Variants in TMEM94 observed in about 807,000 individuals in gnomAD.
TMEM94 encodes ER Mg2+ ATPase.
Under a neutral mutation model 158.6 loss-of-function variants are expected in TMEM94, and 81 were observed. The observed-to-expected ratio is 0.51, with a 90% CI of 0.43 to 0.61. The LOEUF is 0.61. Ranked by LOEUF, TMEM94 falls within the 20% of genes least tolerant of loss-of-function variation. TMEM94 has a pLI of 0.00. For missense variants in TMEM94, 1,435 were observed against 1,762.0 expected (o/e 0.81, Z 3.32); for synonymous variants, 751 against 730.7 (o/e 1.03, Z -0.45).
At chr17:75,493,938 C>A (rs373675652) in intron 18 of TMEM94, 22 bp downstream of exon 18, 7 of 1,595,692 alleles carry the variant, frequency 4.4e-6, no homozygotes, top group Non-Finnish European at 6.0e-6. Context: ...GTCTGTCCAG[C>A]GGGGCTGGTG....
rs1286603803 is a variant in TMEM94 at position 75,489,946 on chromosome 17, G to A, written c.954+284G>A. 1.8e-6 allele frequency: 1 copy of A among 561,360 alleles called. No individual in the cohort carries two copies. The highest frequency in any genetic ancestry group is 3.2e-6 in the Non-Finnish European group (1 of 313,572). 34.8% of individuals were successfully genotyped at this position (561,360 alleles called of 1,614,324 possible). The stretch of plus-strand genomic sequence containing the variant: ...ATATAAAAATTAGCTGGGCGTGGTG[G>A]CACGTGCCTGTGGTCCCAGCCATTC... On this transcript the variant is annotated intron_variant, in intron 9 of 31. Coordinates refer to ENST00000314256, the MANE Select transcript of TMEM94 (RefSeq NM_014738.6). This position sits in a 1 kb window ranked among gnomAD's most constrained non-coding sequence, Gnocchi z 5.0.
rs755543683 is a variant in TMEM94 at position 75,495,246 on chromosome 17, C to T, written c.2729-38C>T. The T allele has an allele frequency of 2.6e-6, 4 of 1,520,970 alleles. No homozygotes were observed. The highest frequency in any genetic ancestry group is 3.6e-6 in the Non-Finnish European group (4 of 1,113,280). 94.2% of individuals were successfully genotyped at this position (1,520,970 alleles called of 1,614,324 possible). ...AGGGCAAGGACAGGTTCCCAGAAGG[C>T]TGGTCCCAAGGTGAGGGAGAGGCTT... On this transcript the variant is annotated intron_variant, in intron 20 of 31. Coordinates refer to ENST00000314256, the MANE Select transcript of TMEM94 (RefSeq NM_014738.6). The surrounding 1 kb of genome is among the most constrained non-coding windows in gnomAD (Gnocchi z 5.6).
intron 1 of TMEM94, among the ~76,000 whole-genome samples, chr17:75,465,755 A>T (rs1447064889): frequency 6.8e-6 from 1 of 146,388 alleles, no homozygotes; most frequent in African/African-American, 2.6e-5. Flanking sequence ...CTCAGGCTAG[A>T]CTCAAACTCT....
chr17:75,499,403 G>A lies in TMEM94; in HGVS notation c.*69G>A, dbSNP rs1159242405. On this transcript the variant is annotated 3_prime_UTR_variant, in exon 32 of 32. Coordinates refer to ENST00000314256, the MANE Select transcript of TMEM94 (RefSeq NM_014738.6). ...AAAGCCAGACCCATTTCTGAACAGG[G>A]GAGTTTGTATCATGAATGTTTCCAG... is the stretch of plus-strand genomic sequence containing the variant. The A allele has an allele frequency of 6.9e-7, 1 of 1,445,140 alleles. No homozygotes were observed. Among genetic ancestry groups the A allele is most frequent in the African/African-American group, 1.4e-5 (1 of 71,214 alleles). The allele number at this position is 1,445,140 out of a possible 1,614,324, so 89.5% of individuals were successfully genotyped here.
chr17:75,459,507 G>A (rs2049997575), intron 1 of TMEM94, among the ~76,000 whole-genome samples: 1 of 152,202 alleles, frequency 6.6e-6, no homozygotes, highest in African/African-American at 2.4e-5. Flanking sequence ...CTTAACTCCT[G>A]TAGAAACTAA....
intron 11 of TMEM94, 51 bp from the exon 12 acceptor site, chr17:75,490,998 G>T: frequency 1.4e-6 from 2 of 1,434,970 alleles, no homozygotes; most frequent in South Asian, 2.5e-5. Flanking sequence ...CGTCTCCAGG[G>T]AAATGAGGCT....
rs1000015361 is a variant in TMEM94, at chr17:75,499,498, T to C, written c.*164T>C. The stretch of plus-strand genomic sequence containing the variant: ...CAGACCCCGCTGTCTTCCTGAGCCC[T>C]GGGGCTCACTGTGGAGGAGCTGACG... On this transcript the variant is annotated 3_prime_UTR_variant, in exon 32 of 32. Coordinates refer to ENST00000314256, the MANE Select transcript of TMEM94 (RefSeq NM_014738.6). 9.0e-6 allele frequency: 6 copies of C among 664,442 alleles called. No individual in the cohort carries two copies. The highest frequency in any genetic ancestry group is 1.5e-5 in the Non-Finnish European group (6 of 387,488). The allele number at this position is 664,442 out of a possible 1,614,324, so 41.2% of individuals were successfully genotyped here. A position where few individuals can be genotyped will look rare whatever the true frequency, so the allele number is the denominator to read the frequency against.
rs2049901405 is a variant in TMEM94 at position 75,456,674 on chromosome 17, C to T, written c.-184C>T. ...CAGTAACGGACATGGCTGCGGCCCCCGGAGGAGGGGACGTGAAGTGAGGAG... is the reference window on the plus strand; with the variant it reads ...CAGTAACGGACATGGCTGCGGCCCCTGGAGGAGGGGACGTGAAGTGAGGAG... On this transcript the variant is annotated 5_prime_UTR_variant, in exon 1 of 32. Transcript: ENST00000314256. 3 of 152,272 alleles carry T rather than the reference C, an allele frequency of 2.0e-5. No individual in the cohort carries two copies. The highest frequency in any genetic ancestry group is 4.1e-4 in the South Asian group (2 of 4,826). The allele number at this position is 152,272 out of a possible 1,614,324, so 9.4% of individuals were successfully genotyped here. A position where few individuals can be genotyped will look rare whatever the true frequency, so the allele number is the denominator to read the frequency against.
chr17:75,482,159 A>G (rs951920427), intron 2 of TMEM94, among the ~76,000 whole-genome samples: 25 of 152,172 alleles, frequency 1.6e-4, no homozygotes, highest in African/African-American at 4.6e-4. Flanking sequence ...CCTGGGCAAC[A>G]TGGTGAAACT....
At chr17:75,457,232 C>G (rs1483647004) in intron 1 of TMEM94, 1 of 152,312 alleles carries the variant, frequency 6.6e-6, no homozygotes, top group Non-Finnish European at 1.5e-5. Context: ...CCGAGGGGCT[C>G]CTGGCAGCCA....
Position 75,489,983 on chromosome 17 carries a change from G to A in TMEM94, c.955-251G>A, listed in dbSNP as rs1390233265. 5 of 575,306 alleles carry A rather than the reference G, an allele frequency of 8.7e-6. No individual in the cohort carries two copies. In the African/African-American group the frequency reaches 9.4e-5, roughly 11 times the overall value. 35.6% of individuals were successfully genotyped at this position (575,306 alleles called of 1,614,324 possible). ...GGTCCCAGCCATTCAGGTGGCTGAG[G>A]TGGGAGAATCCCTTGAACCTGGGAG... On this transcript the variant is annotated intron_variant, in intron 9 of 31. Coordinates refer to ENST00000314256, the MANE Select transcript of TMEM94 (RefSeq NM_014738.6). The surrounding 1 kb of genome is among the most constrained non-coding windows in gnomAD (Gnocchi z 5.0).
intron 1 of TMEM94, chr17:75,459,745 A>T (rs2050004341): frequency 6.6e-6 from 1 of 152,170 alleles, no homozygotes. Context: ...TTCAAGTGAG[A>T]AGGTTCTGGG....
intron 1 of TMEM94, among the ~76,000 whole-genome samples, chr17:75,466,417 C>T (rs1479459130): frequency 6.6e-6 from 1 of 152,264 alleles, no homozygotes; most frequent in African/African-American, 2.4e-5. Flanking sequence ...ATTTGTTTCT[C>T]TTTTCAAAAT....
chr17:75,493,576 T>A lies in TMEM94; in HGVS notation c.2172T>A (p.Pro724=). 1 of 1,613,868 alleles carries A rather than the reference T, an allele frequency of 6.2e-7. No homozygotes were observed. Among genetic ancestry groups the A allele is most frequent in the Non-Finnish European group, 8.5e-7 (1 of 1,179,980 alleles). Residue 724 remains proline, a synonymous_variant, in exon 17 of 32, where the codon CCT becomes CCA. Coordinates refer to ENST00000314256, the MANE Select transcript of TMEM94 (RefSeq NM_014738.6). ...TDFWDGADIY[P]LSGSDRKKVL... ...TCTGGGACGGAGCTGACATCTACCC[T>A]CTCTCGGGATCTGACAGGTGGGTGA...
rs8065732 is a variant in TMEM94 at position 75,489,941 on chromosome 17, T to C, written c.954+279T>C. On this transcript the variant is annotated intron_variant, in intron 9 of 31. Coordinates refer to ENST00000314256, the MANE Select transcript of TMEM94 (RefSeq NM_014738.6). The surrounding 1 kb of genome is among the most constrained non-coding windows in gnomAD (Gnocchi z 5.0). ...TAAGAATATAAAAATTAGCTGGGCGTGGTGGCACGTGCCTGTGGTCCCAGC... is the reference window on the plus strand; with the variant it reads ...TAAGAATATAAAAATTAGCTGGGCGCGGTGGCACGTGCCTGTGGTCCCAGC... 0.63 allele frequency: 352,818 copies of C among 559,012 alleles called. 118,685 individuals are homozygous for C. The highest frequency in any genetic ancestry group is 0.71 in the Non-Finnish European group (220,899 of 311,890). The allele number at this position is 559,012 out of a possible 1,614,324, so 34.6% of individuals were successfully genotyped here. A position where few individuals can be genotyped will look rare whatever the true frequency, so the allele number is the denominator to read the frequency against.
rs765096913 is a variant in TMEM94 at position 75,487,899 on chromosome 17, A to T, written c.410-33A>T. The stretch of plus-strand genomic sequence containing the variant: ...TGACTGGGGGGCAGGGCCGTGGCTG[A>T]GAGGGTTGTTTCCCTCTTTCCATTC... On this transcript the variant is annotated intron_variant, in intron 5 of 31. Coordinates refer to ENST00000314256, the MANE Select transcript of TMEM94 (RefSeq NM_014738.6). The surrounding 1 kb of genome is among the most constrained non-coding windows in gnomAD (Gnocchi z 4.6). 1 of 1,583,506 alleles carries T rather than the reference A, an allele frequency of 6.3e-7. No homozygotes were observed. Among genetic ancestry groups the T allele is most frequent in the East Asian group, 2.2e-5 (1 of 44,500 alleles).
intron 1 of TMEM94, among the ~76,000 whole-genome samples, chr17:75,469,214 C>T (rs568586560): frequency 9.9e-5 from 15 of 152,268 alleles, no homozygotes; most frequent in Non-Finnish European, 1.9e-4. Context: ...ACTGCCAGCA[C>T]GTGGAAAGAA....
intron 2 of TMEM94, among the ~76,000 whole-genome samples, chr17:75,473,984 G>A (rs573949915): frequency 1.8e-4 from 28 of 152,050 alleles, no homozygotes; most frequent in African/African-American, 5.5e-4. Context: ...GCATGGTGGC[G>A]CGTGCCTGTA....
intron 11 of TMEM94, 60 bp from the exon 12 acceptor site, chr17:75,490,989 G>A (rs866870523): frequency 1.7e-5 from 23 of 1,366,556 alleles, no homozygotes; most frequent in East Asian, 1.6e-4. Context: ...CCTAGAGGCC[G>A]TCTCCAGGGA....
Sources: allele counts gnomAD v4.1 joint callset (sites outside exome capture counted in the v4.1 genomes callset), GRCh38; gene constraint gnomAD v4.1.1; non-coding constraint Gnocchi (gnomAD v3.1); transcripts MANE v1.5; gene names NCBI Gene and HGNC (gene_info 2026-07-23, HGNC 2026-07-21).